Variants in GRK7 observed in about 807,000 individuals in gnomAD.
GRK7 encodes G protein-coupled receptor kinase 7.
A neutral mutation model predicts 34.1 loss-of-function variants in GRK7; 24 were observed. The ratio of observed to expected loss-of-function variants is 0.70; its 90% CI spans 0.51 to 0.99. The LOEUF (loss-of-function observed/expected upper bound fraction) is 0.99. GRK7 is among the 50% of genes least tolerant of loss of function. The pLI, the probability that GRK7 is intolerant of heterozygous loss-of-function variation, is 0.00. For synonymous variants in GRK7, 256 were observed against 279.4 expected, an observed-to-expected ratio of 0.92 and a Z score of 0.84; for missense variants, 644 against 707.3, an observed-to-expected ratio of 0.91 and a Z score of 1.02.
At chr3:141,752,906 G>A in the GRK7 span, among the ~76,000 whole-genome samples, 1 of 152,206 alleles carries the variant, frequency 6.6e-6, no homozygotes, top group African/African-American at 2.4e-5. Context: ...ACAGTGAGAA[G>A]GCAGCTATCT....
At chr3:141,756,291 G>A in the GRK7 span, among the ~76,000 whole-genome samples, 23 of 138,514 alleles carry the variant, frequency 1.7e-4, no homozygotes, top group African/African-American at 4.0e-4. Context: ...CAGCCTGGGC[G>A]ACAGAGTAAG....
At chr3:141,809,386 G>T (rs1205679204) in intron 5 of GRK7, among the ~76,000 whole-genome samples, 1 of 152,072 alleles carries the variant, frequency 6.6e-6, no homozygotes, top group Non-Finnish European at 1.5e-5. Flanking sequence ...CATTGTTTAT[G>T]ATAGAATAAG....
In GRK7 at chr3:141,778,942, T is replaced by C. The variant is rs548031982; in HGVS notation, c.612+46T>C. Reference sequence around the variant, plus strand: ...AGGCTAGAAGGTGAAGCATAGAGCATGAAAGGGGGTAATGTTGCCTTTCTT... The same window carrying C: ...AGGCTAGAAGGTGAAGCATAGAGCACGAAAGGGGGTAATGTTGCCTTTCTT... On this transcript the variant is annotated intron_variant, in intron 3 of 5. Transcript: ENST00000682958. The surrounding 1 kb of genome is among the most constrained non-coding windows in gnomAD (Gnocchi z 4.1). The C allele has an allele frequency of 4.6e-6, 7 of 1,526,962 alleles. No individual in the cohort carries two copies. In the East Asian group the frequency reaches 1.4e-4, roughly 30 times the overall value. The allele number at this position is 1,526,962 out of a possible 1,614,324, so 94.6% of individuals were successfully genotyped here.
chr3:141,814,924 T>TC (rs1233465264), intron 5 of GRK7, among the ~76,000 whole-genome samples: 40 of 147,556 alleles, frequency 2.7e-4, no homozygotes, highest in African/African-American at 9.6e-4. Context: ...TGGTTGGTTT[T>TC]TTTTTTTTTT....
At chr3:141,799,563 G>C (rs1577922634) in intron 4 of GRK7, among the ~76,000 whole-genome samples, 1 of 152,018 alleles carries the variant, frequency 6.6e-6, no homozygotes, top group East Asian at 1.9e-4. Flanking sequence ...AGTGAGCCAA[G>C]ATCATGCCAC....
upstream of GRK7, among the ~76,000 whole-genome samples, chr3:141,760,169 TTTGCTC>T (rs2084548975): frequency 6.6e-6 from 1 of 151,582 alleles, no homozygotes; most frequent in Non-Finnish European, 1.5e-5. Flanking sequence ...TTTGAATGTG[TTTGCTC>T]TTGCTTTTCT....
chr3:141,789,190 G>C (rs2084711095), intron 4 of GRK7, among the ~76,000 whole-genome samples: 1 of 152,196 alleles, frequency 6.6e-6, no homozygotes, highest in African/African-American at 2.4e-5. Flanking sequence ...CTATCAATCA[G>C]AGTTATTATG....
At chr3:141,751,868 T>C in the GRK7 span, among the ~76,000 whole-genome samples, 24 of 152,176 alleles carry the variant, frequency 1.6e-4, no homozygotes, top group African/African-American at 5.3e-4. Context: ...GTGAAGAAAA[T>C]TCTATTGGAC....
At chr3:141,771,578 ATTAC>A (rs1296692745) in intron 1 of GRK7, among the ~76,000 whole-genome samples, 4 of 152,162 alleles carry the variant, frequency 2.6e-5, no homozygotes, top group African/African-American at 7.2e-5. Context: ...GGGATAACAA[ATTAC>A]TTAATGTGTA....
rs541875740 is a variant in GRK7 at position 141,789,942 on chromosome 3, G to C, written c.1050+9131G>C. 9.9e-5 allele frequency among the ~76,000 whole-genome samples: 15 copies of C among 152,202 alleles called. 1 individual carries two copies. Among genetic ancestry groups the C allele is most frequent in the African/African-American group, 3.6e-4 (15 of 41,540 alleles). ...TTCCAGGCACATCAGATTTAAAAGC[G>C]CTCACAGTTTTGACTCCATCTTATT... On this transcript the variant is annotated intron_variant, in intron 4 of 5. Coordinates refer to ENST00000682958, the MANE Select transcript of GRK7 (RefSeq NM_139209.3).
At chr3:141,798,810 C>T (rs1214572266) in intron 4 of GRK7, among the ~76,000 whole-genome samples, 1 of 152,222 alleles carries the variant, frequency 6.6e-6, no homozygotes, top group Non-Finnish European at 1.5e-5. Flanking sequence ...ATTCCATTCT[C>T]CTCAGTGAAA....
At chr3:141,789,668 A>C (rs1031097137) in intron 4 of GRK7, among the ~76,000 whole-genome samples, 17 of 151,824 alleles carry the variant, frequency 1.1e-4, no homozygotes, top group Non-Finnish European at 2.4e-4. Context: ...AAAAAAAAAA[A>C]AACACAAAAC....
At chr3:141,774,762 CTTG>C (rs200614709) in intron 2 of GRK7, among the ~76,000 whole-genome samples, 82 bp downstream of exon 2, 1,738 of 150,084 alleles carry the variant, frequency 0.012, 37 homozygotes, top group East Asian at 0.086. Flanking sequence ...ATTATTTAAA[CTTG>C]TTGTCACCAG....
chr3:141,762,063 G>A (rs959186083), upstream of GRK7, among the ~76,000 whole-genome samples: 3 of 148,626 alleles, frequency 2.0e-5, no homozygotes, highest in Non-Finnish European at 4.5e-5. Context: ...TGGTTTGAAT[G>A]TCCTCCCGTA....
Position 141,804,676 on chromosome 3 carries a change from TAC to T in GRK7, c.1051-2963_1051-2962del, listed in dbSNP as rs576062831. On this transcript the variant is annotated intron_variant, in intron 4 of 5. Coordinates refer to ENST00000682958, the MANE Select transcript of GRK7 (RefSeq NM_139209.3). ...ATACACACACATACACATGCACAGA[TAC>T]ACACATACACACATGCTCTCATATA... is the stretch of plus-strand genomic sequence containing the variant. Among the ~76,000 whole-genome samples the T allele has an allele frequency of 6.7e-5, 10 of 148,330 alleles. No individual in the cohort carries two copies. The South Asian group carries it at 1.9e-3, about 29-fold the overall frequency.
At chr3:141,805,268 G>T (rs1349921931) in intron 4 of GRK7, among the ~76,000 whole-genome samples, 1 of 152,206 alleles carries the variant, frequency 6.6e-6, no homozygotes, top group Non-Finnish European at 1.5e-5. Context: ...CGGTATCCCT[G>T]GAACTCATTG....
At chr3:141,815,573 T>C (rs1033380054) in intron 5 of GRK7, among the ~76,000 whole-genome samples, 14 of 152,182 alleles carry the variant, frequency 9.2e-5, no homozygotes, top group African/African-American at 3.4e-4. Context: ...CTGGCATTCA[T>C]ACTCATGTAT....
rs79770254 is a variant in GRK7 at position 141,817,085 on chromosome 3, C to G, written c.*35C>G. On this transcript the variant is annotated 3_prime_UTR_variant, in exon 6 of 6. Coordinates refer to ENST00000682958, the MANE Select transcript of GRK7 (RefSeq NM_139209.3). ...TTTACCAGACAGGCAGCAGGAGTCT[C>G]GGCTGACATAATCCTCGAATGTTCC... is the stretch of plus-strand genomic sequence containing the variant. The G allele has an allele frequency of 1.4e-6, 2 of 1,469,698 alleles. No individual in the cohort carries two copies. The allele number at this position is 1,469,698 out of a possible 1,614,324, so 91.0% of individuals were successfully genotyped here.
intron 4 of GRK7, among the ~76,000 whole-genome samples, chr3:141,792,966 C>T (rs78850814): frequency 0.013 from 1,972 of 152,266 alleles, 55 homozygotes; most frequent in African/African-American, 0.045. Flanking sequence ...TAGCCAATCA[C>T]GTGGAGGCTT....
Sources: allele counts gnomAD v4.1 joint callset (sites outside exome capture counted in the v4.1 genomes callset), GRCh38; gene constraint gnomAD v4.1.1; non-coding constraint Gnocchi (gnomAD v3.1); transcripts MANE v1.5; gene names NCBI Gene and HGNC (gene_info 2026-07-23, HGNC 2026-07-21).